The following LRP1B variants were observed in gnomAD, a reference collection of about 807,000 sequenced individuals.
The protein encoded by LRP1B is LDL receptor related protein 1B, also known as low-density lipoprotein receptor-related protein 1B.
In LRP1B, 217 loss-of-function variants were observed where a neutral mutation model predicts 556.6. The observed-to-expected ratio is 0.39, with a 90% confidence interval of 0.35 to 0.44. The LOEUF is 0.44. LRP1B is among the 20% of genes least tolerant of loss of function. LRP1B has a pLI of 1.00. For missense variants in LRP1B, 5,053 were observed against 5,620.8 expected, an observed-to-expected ratio of 0.90 and a Z score of 3.23; for synonymous variants, 2,047 against 1,865.8, an observed-to-expected ratio of 1.10 and a Z score of -2.50.
chr2:140,863,088 T>C (rs1480705369), intron 27 of LRP1B, among the ~76,000 whole-genome samples: 2 of 152,198 alleles, frequency 1.3e-5, no homozygotes, highest in Non-Finnish European at 1.5e-5. Context: ...TTGTGGAACT[T>C]CTTGGCCTCC....
intron 41 of LRP1B, among the ~76,000 whole-genome samples, chr2:140,627,874 T>C (rs1377404070): frequency 1.3e-5 from 2 of 151,404 alleles, no homozygotes; most frequent in Non-Finnish European, 2.9e-5. Context: ...TGGAGTTAAA[T>C]GGCAAAAGGA....
chr2:141,775,640 C>T (rs1419041388), intron 2 of LRP1B, among the ~76,000 whole-genome samples: 3 of 151,990 alleles, frequency 2.0e-5, no homozygotes, highest in African/African-American at 7.3e-5. Flanking sequence ...GAACTCATGT[C>T]AACAAATGGT....
At position 140,443,384 on chromosome 2, in the gene LRP1B, G is replaced by C. The variant is rs147066595; in HGVS notation, c.10295-761C>G. Among the ~76,000 whole-genome samples the C allele has an allele frequency of 4.0e-3, 602 of 152,200 alleles. 5 individuals are homozygous for C. Among genetic ancestry groups the C allele is most frequent in the African/African-American group, 0.014 (562 of 41,542 alleles). On this transcript the variant is annotated intron_variant, in intron 65 of 90. Transcript: ENST00000389484. The stretch of plus-strand genomic sequence containing the variant: ...CCTGTGTTGAGTTTTTGAGGGAAGT[G>C]AACATCCAACTTAGACTGTAAACTG...
chr2:141,837,066 G>C (rs917028953), intron 1 of LRP1B, among the ~76,000 whole-genome samples: 9 of 151,906 alleles, frequency 5.9e-5, no homozygotes, highest in African/African-American at 2.2e-4. Context: ...CAGAAAAATG[G>C]GATTATAACT....
intron 31 of LRP1B, among the ~76,000 whole-genome samples, chr2:140,822,883 C>T (rs1052466877): frequency 6.6e-6 from 1 of 152,154 alleles, no homozygotes; most frequent in East Asian, 1.9e-4. Flanking sequence ...TACCTTCTTT[C>T]GACAAGACTC....
chr2:141,654,196 A>C (rs1265605705), intron 2 of LRP1B, among the ~76,000 whole-genome samples: 3 of 152,200 alleles, frequency 2.0e-5, no homozygotes, highest in Non-Finnish European at 4.4e-5. Context: ...AAAGGAGAAA[A>C]GGTAAATACG....
intron 41 of LRP1B, among the ~76,000 whole-genome samples, chr2:140,602,768 C>T (rs1322728589): frequency 6.6e-6 from 1 of 151,436 alleles, no homozygotes. Flanking sequence ...TTACATACAA[C>T]ATGAAATATC....
intron 81 of LRP1B, among the ~76,000 whole-genome samples, chr2:140,323,200 A>ATAT (rs1459812308): frequency 2.0e-5 from 3 of 152,096 alleles, no homozygotes; most frequent in East Asian, 3.9e-4. Context: ...AATTTCAGCC[A>ATAT]TATTATTATT....
chr2:141,103,536 T>TCTCTCTCTCTCTCTCTCTCTCTC (rs1700520836), intron 7 of LRP1B, among the ~76,000 whole-genome samples: 2 of 71,608 alleles, frequency 2.8e-5, no homozygotes, highest in Non-Finnish European at 6.1e-5. Context: ...CTCTCTCTCT[T>TCTCTCTCTCTCTCTCTCTCTCTC]AAAAAGTTCA....
intron 17 of LRP1B, 43 bp from the exon 18 acceptor site, chr2:140,982,319 T>C: frequency 1.7e-6 from 2 of 1,209,440 alleles, no homozygotes; most frequent in African/African-American, 1.5e-5. Flanking sequence ...TTTAGAGGCA[T>C]TTTGAACATC....
chr2:141,003,046 T>A (rs982827051), intron 15 of LRP1B, among the ~76,000 whole-genome samples: 5 of 151,902 alleles, frequency 3.3e-5, no homozygotes. Context: ...GAGGGTATTA[T>A]TCCAAATACC....
intron 2 of LRP1B, among the ~76,000 whole-genome samples, chr2:141,784,169 A>G (rs1695350953): frequency 6.6e-6 from 1 of 152,024 alleles, no homozygotes; most frequent in Non-Finnish European, 1.5e-5. Flanking sequence ...ACTGCAACAA[A>G]TAACAATATA....
intron 32 of LRP1B, among the ~76,000 whole-genome samples, chr2:140,798,569 A>AT (rs1690399264): frequency 6.6e-6 from 1 of 152,192 alleles, no homozygotes; most frequent in South Asian, 2.1e-4. Context: ...TAGAAGGGGT[A>AT]TTTTTTGTAC....
intron 2 of LRP1B, among the ~76,000 whole-genome samples, chr2:141,741,657 T>C (rs1374354260): frequency 3.3e-5 from 5 of 152,166 alleles, no homozygotes; most frequent in Non-Finnish European, 5.9e-5. Context: ...GTTTATTTTA[T>C]TTAGTTGTTT....
chr2:140,456,116 TG>T (rs754139077), intron 62 of LRP1B, among the ~76,000 whole-genome samples: 6 of 152,046 alleles, frequency 3.9e-5, no homozygotes, highest in African/African-American at 1.2e-4. Flanking sequence ...AAATGGAGAG[TG>T]GGGACAGTGA....
chr2:141,794,887 A>G (rs1204566196), intron 2 of LRP1B, among the ~76,000 whole-genome samples: 2 of 152,104 alleles, frequency 1.3e-5, no homozygotes, highest in African/African-American at 4.8e-5. Flanking sequence ...TGGGACAGGT[A>G]CACACAACTA....
At chr2:140,746,762 A>G (rs1688327815) in intron 35 of LRP1B, among the ~76,000 whole-genome samples, 1 of 152,110 alleles carries the variant, frequency 6.6e-6, no homozygotes, top group African/African-American at 2.4e-5. Context: ...TTTTGCCAGC[A>G]GCTGGCAAAA....
intron 32 of LRP1B, 22 bp downstream of exon 32, chr2:140,813,635 G>A (rs1175012762): frequency 6.2e-7 from 1 of 1,609,844 alleles, no homozygotes; most frequent in African/African-American, 1.3e-5. Context: ...AAGCAACCAA[G>A]CTATAGAATA....
At chr2:142,120,808 T>A (rs922806952) in intron 1 of LRP1B, among the ~76,000 whole-genome samples, 1 of 152,094 alleles carries the variant, frequency 6.6e-6, no homozygotes, top group South Asian at 2.1e-4. Context: ...TTTACAGACA[T>A]GGCATAGGCA....
Sources: gnomAD v4.1 joint callset for allele counts (sites outside exome capture counted in the v4.1 genomes callset) on GRCh38, gnomAD v4.1.1 for gene constraint, MANE v1.5 for transcripts, NCBI Gene and HGNC (gene_info 2026-07-23, HGNC 2026-07-21) for gene names.